Variants in SERINC4 observed in about 807,000 individuals in gnomAD.
SERINC4 encodes serine incorporator 4.
SERINC4 carries 52 observed loss-of-function variants against 52.0 expected under a neutral mutation model. That is an observed-to-expected ratio of 1.00 (90% CI 0.80 to 1.26). The LOEUF is 1.26. Among genes scored for constraint, SERINC4 ranks in the 50% most tolerant of loss-of-function variants. SERINC4 has a pLI of 0.00. For synonymous variants in SERINC4, 264 were observed against 247.7 expected (o/e 1.07, Z -0.62); for missense variants, 723 against 632.8 (o/e 1.14, Z -1.53).
rs1349051227 is a variant in SERINC4, at chr15:43,796,229, T to C, written c.1068-2A>G. 4 of 1,611,628 alleles carry C rather than the reference T, an allele frequency of 2.5e-6. No individual in the cohort carries two copies. In the African/African-American group the frequency reaches 4.0e-5, roughly 16 times the overall value. On this transcript the variant is annotated splice_acceptor_variant, in intron 8 of 11. Transcript: ENST00000319327. LOFTEE classifies it high-confidence loss of function. Reference sequence around the variant, plus strand: ...TCAGCCAGGTAGGAGGCCTCATTGCTGAGAAAGAATAGAGTTCTTAAGCTG... The same window carrying C: ...TCAGCCAGGTAGGAGGCCTCATTGCCGAGAAAGAATAGAGTTCTTAAGCTG...
In SERINC4 at chr15:43,795,387, C is replaced by A; in HGVS notation, c.1343+1G>T. 2 of 1,614,142 alleles carry A rather than the reference C, an allele frequency of 1.2e-6. No individual in the cohort carries two copies. Among genetic ancestry groups the A allele is most frequent in the Non-Finnish European group, 1.7e-6 (2 of 1,180,014 alleles). ...AGTATCTAAGGCCCACTCCATCTTA[C>A]CTGAACCAGTTGGTAAGGGTAACCA... On this transcript the variant is annotated splice_donor_variant, in intron 11 of 11. Transcript: ENST00000319327. LOFTEE classifies it high-confidence loss of function.
At chr15:43,799,800 A>C (rs2087284091) in intron 1 of SERINC4, 85 bp downstream of exon 1, 1 of 1,041,044 alleles carries the variant, frequency 9.6e-7, no homozygotes, top group Admixed American at 2.1e-5. Context: ...ACGACATTAG[A>C]GGAGAAAAGA....
Position 43,796,601 on chromosome 15 carries a change from G to T in SERINC4, c.1067+15C>A. ...ACCCTCCTTTCATACCTCCACCCTT[G>T]ACACCTTTACGCACCAAGCAAAAAG... is the stretch of plus-strand genomic sequence containing the variant. On this transcript the variant is annotated intron_variant, in intron 8 of 11. Coordinates refer to ENST00000319327, the MANE Select transcript of SERINC4 (RefSeq NM_001258031.2). 1 of 1,613,610 alleles carries T rather than the reference G, an allele frequency of 6.2e-7. No individual in the cohort carries two copies. The highest frequency in any genetic ancestry group is 8.5e-7 in the Non-Finnish European group (1 of 1,179,800).
chr15:43,797,651 A>G (rs887594663), intron 5 of SERINC4: 6 of 516,334 alleles, frequency 1.2e-5, no homozygotes, highest in African/African-American at 1.2e-4. Flanking sequence ...TCGGCCTCCC[A>G]AAGTGCTGGG....
chr15:43,798,332 A>G, intron 4 of SERINC4, 93 bp downstream of exon 4: 1 of 969,998 alleles, frequency 1.0e-6, no homozygotes, highest in Non-Finnish European at 1.7e-6. Flanking sequence ...TACAGGCGTG[A>G]GCCACTGCAC....
intron 10 of SERINC4, 67 bp from the exon 11 acceptor site, chr15:43,795,608 C>A: frequency 6.2e-7 from 1 of 1,611,772 alleles, no homozygotes; most frequent in Non-Finnish European, 8.5e-7. Flanking sequence ...CCCCCAACTA[C>A]CTTTGTTAAG....
In SERINC4 at chr15:43,794,410, G is replaced by A. The variant is rs953369983; in HGVS notation, c.*590C>T. On this transcript the variant is annotated 3_prime_UTR_variant, in exon 12 of 12. Transcript: ENST00000319327. ...GCTTGAAAGTTGGCCAAAAAATCCTGCTGCTCACCGACTTCCCGTGGTCAG... is the reference window on the plus strand; with the variant it reads ...GCTTGAAAGTTGGCCAAAAAATCCTACTGCTCACCGACTTCCCGTGGTCAG... 2.4e-5 allele frequency: 4 copies of A among 163,698 alleles called. No individual in the cohort carries two copies. Among genetic ancestry groups the A allele is most frequent in the African/African-American group, 9.6e-5 (4 of 41,758 alleles). 10.1% of individuals were successfully genotyped at this position (163,698 alleles called of 1,614,324 possible).
intron 9 of SERINC4, 53 bp downstream of exon 9, chr15:43,796,102 G>T (rs1319305244): frequency 1.5e-6 from 2 of 1,302,788 alleles, no homozygotes; most frequent in Non-Finnish European, 2.2e-6. Context: ...ATGTGTGTGT[G>T]TCTTTGTGTG....
intron 6 of SERINC4, 54 bp downstream of exon 6, chr15:43,797,091 T>C: frequency 1.3e-6 from 2 of 1,499,278 alleles, no homozygotes; most frequent in Non-Finnish European, 1.8e-6. Context: ...GTAATGAAAC[T>C]TGCTATGCTT....
rs2087146309 is a variant in SERINC4 at position 43,794,186 on chromosome 15, C to T, written c.*814G>A. The T allele has an allele frequency of 3.7e-6, 2 of 534,012 alleles. No homozygotes were observed. The highest frequency in any genetic ancestry group is 6.6e-6 in the Non-Finnish European group (2 of 303,788). 33.1% of individuals were successfully genotyped at this position (534,012 alleles called of 1,614,324 possible). ...ATAAGTGAAACATCACAGAAGAAGCCTTTATTATACAATGACAACCAAACA... is the reference window on the plus strand; with the variant it reads ...ATAAGTGAAACATCACAGAAGAAGCTTTTATTATACAATGACAACCAAACA... On this transcript the variant is annotated 3_prime_UTR_variant, in exon 12 of 12. Coordinates refer to ENST00000319327, the MANE Select transcript of SERINC4 (RefSeq NM_001258031.2).
rs2087265082 is a variant in SERINC4, at chr15:43,798,946, A to G, written c.458+13T>C. 2 of 1,550,210 alleles carry G rather than the reference A, an allele frequency of 1.3e-6. No individual in the cohort carries two copies. The highest frequency in any genetic ancestry group is 1.7e-6 in the Non-Finnish European group (2 of 1,146,828). ...TCCTCTGTCCCCTCCCCACCCAGAA[A>G]GTACACACAAACCTATTATGCAGCT... On this transcript the variant is annotated intron_variant, in intron 3 of 11. Coordinates refer to ENST00000319327, the MANE Select transcript of SERINC4 (RefSeq NM_001258031.2).
intron 3 of SERINC4, chr15:43,798,731 G>A: frequency 1.6e-6 from 1 of 626,718 alleles, no homozygotes; most frequent in Non-Finnish European, 2.8e-6. Flanking sequence ...ATGTTTTACA[G>A]TTTATAAAGG....
At chr15:43,796,513 C>T in intron 8 of SERINC4, 103 bp downstream of exon 8, 1 of 1,308,280 alleles carries the variant, frequency 7.6e-7, no homozygotes, top group Non-Finnish European at 1.1e-6. Context: ...TCACTCTAGT[C>T]TTGCTCTAAA....
At chr15:43,799,556 G>C in intron 1 of SERINC4, 70 bp from the exon 2 acceptor site, 1 of 1,519,104 alleles carries the variant, frequency 6.6e-7, no homozygotes, top group Non-Finnish European at 8.9e-7. Context: ...TAATGTATGT[G>C]TGAGGTTAAC....
At position 43,799,064 on chromosome 15, in the gene SERINC4, G is replaced by A; in HGVS notation, c.353C>T (p.Ala118Val). 3 of 1,550,484 alleles carry A rather than the reference G, an allele frequency of 1.9e-6. No individual in the cohort carries two copies. The South Asian group carries it at 3.6e-5, about 18-fold the overall frequency. Residue 118 changes from alanine (A) to valine (V), a missense_variant, in exon 3 of 12, where the codon GCT becomes GTT. Physicochemically the swap from Ala to Val is moderately conservative, Grantham distance 64. Transcript: ENST00000319327. Reference sequence around the variant, plus strand: ...GGTTCCTGCACATACTCGGTACACAGCCCCAGAGCCACTGAGCACTGGACA... The same window carrying A: ...GGTTCCTGCACATACTCGGTACACAACCCCAGAGCCACTGAGCACTGGACA... The part of the protein sequence containing the change: ...SDCPVLSGSG[A>V]VYRVCAGTAT...
In SERINC4 at chr15:43,799,092, CAGAG is replaced by C. The variant is rs773316785; in HGVS notation, c.321_324del (p.Ser108ThrfsTer55). 6.1e-5 allele frequency: 94 copies of C among 1,550,510 alleles called. No individual in the cohort carries two copies. Among genetic ancestry groups the C allele is most frequent in the Non-Finnish European group, 6.8e-5 (78 of 1,146,970 alleles). On this transcript the variant is annotated frameshift_variant, in exon 3 of 12. Coordinates refer to ENST00000319327, the MANE Select transcript of SERINC4 (RefSeq NM_001258031.2). LOFTEE classifies it high-confidence loss of function. ...CCAGAGCCACTGAGCACTGGACAGTCAGAGAGGCCAAACAGGTGGGCACACAACC... is the reference window on the plus strand; with the variant it reads ...CCAGAGCCACTGAGCACTGGACAGTCAGGCCAAACAGGTGGGCACACAACC...
intron 3 of SERINC4, 105 bp from the exon 4 acceptor site, chr15:43,798,609 G>T: frequency 1.2e-6 from 1 of 820,814 alleles, no homozygotes; most frequent in Non-Finnish European, 2.1e-6. Flanking sequence ...ATAGGAAAGA[G>T]GACAGACGAG....
chr15:43,799,775 G>T lies in SERINC4; in HGVS notation c.102+110C>A. The T allele has an allele frequency of 5.4e-6, 5 of 925,458 alleles. No individual in the cohort carries two copies. In the South Asian group the frequency reaches 7.0e-5, roughly 13 times the overall value. The allele number at this position is 925,458 out of a possible 1,614,324, so 57.3% of individuals were successfully genotyped here. A position where few individuals can be genotyped will look rare whatever the true frequency, so the allele number is the denominator to read the frequency against. On this transcript the variant is annotated intron_variant, in intron 1 of 11. Coordinates refer to ENST00000319327, the MANE Select transcript of SERINC4 (RefSeq NM_001258031.2). ...GGGAGAGATTTACAGATTATACCTG[G>T]GGCAACGAACCAGAACGACATTAGA...
rs2087223539 is a variant in SERINC4, at chr15:43,796,706, G to A, written c.977C>T (p.Pro326Leu). The change falls in exon 8 of 12, where the codon CCT (proline) becomes CTT (leucine). Residue 326 changes from proline (P) to leucine (L), a missense_variant. Transcript: ENST00000319327. Reference protein sequence around the residue: ...LQGQNHTLCLPGLSKMEPQTP... With the variant: ...LQGQNHTLCLLGLSKMEPQTP... ...TTGGGGTTCCATTTTACTCAGGCCA[G>A]GCAGGCACAGGGTGTGATTCTGTCC... 2 of 1,614,144 alleles carry A rather than the reference G, an allele frequency of 1.2e-6. No homozygotes were observed. Among genetic ancestry groups the A allele is most frequent in the African/African-American group, 2.7e-5 (2 of 75,038 alleles).
Sources: gnomAD v4.1 joint callset for allele counts on GRCh38, gnomAD v4.1.1 for gene constraint, MANE v1.5 for transcripts, NCBI Gene and HGNC (gene_info 2026-07-23, HGNC 2026-07-21) for gene names.